PCTP: variants seen among roughly 807,000 people sequenced by gnomAD.
PCTP encodes phosphatidylcholine transfer protein, also known as START domain-containing protein 2.
A neutral mutation model predicts 31.0 loss-of-function variants in PCTP; 27 were observed. The ratio of observed to expected loss-of-function variants is 0.87; its 90% confidence interval spans 0.64 to 1.20. PCTP has a LOEUF of 1.20. Among genes scored for constraint, PCTP ranks in the 50% most tolerant of loss-of-function variants. The pLI is 0.00. For synonymous variants in PCTP, 108 were observed against 101.2 expected, an observed-to-expected ratio of 1.07 and a Z score of -0.40; for missense variants, 287 against 268.2, an observed-to-expected ratio of 1.07 and a Z score of -0.49.
intron 2 of PCTP, 145 bp from the exon 3 acceptor site, chr17:55,770,961 G>A: frequency 3.2e-6 from 2 of 627,824 alleles, no homozygotes; most frequent in Non-Finnish European, 2.9e-6. Flanking sequence ...TTGAACTCCT[G>A]GACTTGAGCA....
chr17:55,798,439 A>G (rs1033212984), intron 3 of PCTP, among the ~76,000 whole-genome samples: 3 of 151,952 alleles, frequency 2.0e-5, no homozygotes, highest in African/African-American at 7.2e-5. Context: ...TAAATTCATC[A>G]CAGTAATTAC....
downstream of PCTP, among the ~76,000 whole-genome samples, chr17:55,843,504 G>A (rs1311734624): frequency 2.0e-5 from 3 of 152,106 alleles, no homozygotes; most frequent in African/African-American, 2.4e-5. Flanking sequence ...TGTTTCATGC[G>A]GCAGTGTCTT....
At chr17:55,820,195 G>A (rs560000477) in intron 3 of PCTP, among the ~76,000 whole-genome samples, 2 of 152,260 alleles carry the variant, frequency 1.3e-5, no homozygotes, top group South Asian at 4.1e-4. Flanking sequence ...AATAACTTTT[G>A]TGCTTCAAAA....
intron 3 of PCTP, among the ~76,000 whole-genome samples, chr17:55,818,869 G>A (rs1913015707): frequency 6.6e-6 from 1 of 151,884 alleles, no homozygotes; most frequent in African/African-American, 2.4e-5. Context: ...GAACAGCAAG[G>A]GCACGGTCAG....
chr17:55,803,275 C>T (rs968497075), intron 3 of PCTP, among the ~76,000 whole-genome samples: 1 of 152,110 alleles, frequency 6.6e-6, no homozygotes, highest in African/African-American at 2.4e-5. Context: ...GTGAAAATGG[C>T]CATACTGCCC....
At chr17:55,805,051 G>T (rs1400087067) in intron 3 of PCTP, among the ~76,000 whole-genome samples, 2 of 152,108 alleles carry the variant, frequency 1.3e-5, no homozygotes, top group East Asian at 1.9e-4. Flanking sequence ...AGCAAAAATT[G>T]ATAGAATCAG....
chr17:55,785,416 C>T (rs1911711653), intron 2 of PCTP, among the ~76,000 whole-genome samples: 1 of 152,220 alleles, frequency 6.6e-6, no homozygotes, highest in African/African-American at 2.4e-5. Flanking sequence ...GATTGCTGCC[C>T]TGTGAGACAG....
At chr17:55,848,474 A>G in the PCTP span, among the ~76,000 whole-genome samples, 1 of 152,198 alleles carries the variant, frequency 6.6e-6, no homozygotes, top group Non-Finnish European at 1.5e-5. Context: ...AACCTGTGGA[A>G]CTAATGGCAA....
At chr17:55,843,621 A>G (rs1906055691), downstream of PCTP, among the ~76,000 whole-genome samples, 1 of 152,136 alleles carries the variant, frequency 6.6e-6, no homozygotes, top group Non-Finnish European at 1.5e-5. Flanking sequence ...TCTCAGTCAG[A>G]CTGAATAGGG....
chr17:55,835,944 A>C (rs1905763366), intron 5 of PCTP, among the ~76,000 whole-genome samples: 1 of 152,222 alleles, frequency 6.6e-6, no homozygotes, highest in Non-Finnish European at 1.5e-5. Context: ...AGTCAGCTAA[A>C]TCTGAATCAA....
At chr17:55,848,089 A>C in the PCTP span, among the ~76,000 whole-genome samples, 2,391 of 151,948 alleles carry the variant, frequency 0.016, 19 homozygotes, top group Non-Finnish European at 0.021. Flanking sequence ...CACCCGGCTA[A>C]TTTTTGCATT....
intron 5 of PCTP, among the ~76,000 whole-genome samples, chr17:55,836,622 G>T (rs1055783952): frequency 6.6e-6 from 1 of 152,130 alleles, no homozygotes; most frequent in South Asian, 2.1e-4. Context: ...AGTTCTTCCC[G>T]GGCCTAGGGC....
intron 5 of PCTP, among the ~76,000 whole-genome samples, chr17:55,831,856 C>G (rs113949292): frequency 0.013 from 2,007 of 152,164 alleles, 35 homozygotes; most frequent in African/African-American, 0.046. Flanking sequence ...CCAAGGCAGG[C>G]AGATCTCGAG....
intron 1 of PCTP, among the ~76,000 whole-genome samples, chr17:55,764,446 C>G (rs1432770642): frequency 6.6e-6 from 1 of 152,196 alleles, no homozygotes; most frequent in Non-Finnish European, 1.5e-5. Flanking sequence ...CATCTCTCAT[C>G]AGACCCTGAG....
chr17:55,769,946 C>G (rs1910890151), intron 2 of PCTP: 2 of 152,210 alleles, frequency 1.3e-5, no homozygotes, highest in African/African-American at 4.8e-5. Flanking sequence ...TAAGGACTCT[C>G]ATCAGCCTCC....
At chr17:55,806,968 C>T (rs1204828888) in intron 3 of PCTP, among the ~76,000 whole-genome samples, 1 of 152,138 alleles carries the variant, frequency 6.6e-6, no homozygotes, top group Non-Finnish European at 1.5e-5. Flanking sequence ...ATGACTCAGA[C>T]TGCATTTGAT....
Position 55,751,167 on chromosome 17 carries a change from C to T in PCTP, c.64C>T (p.Gln22Ter). The change falls in exon 1 of 6, where the codon CAG becomes TAG. Residue 22 changes from glutamine (Q) to a stop codon, truncating the protein, a stop_gained. Transcript: ENST00000268896. LOFTEE classifies it high-confidence loss of function. The stretch of plus-strand genomic sequence containing the variant: ...CTGGGAGGCCTGCGCCGAGCTCCAG[C>T]AGCCCGCTCTGGCCGGGGCCGACTG... ...QFWEACAELQQPALAGADWQL... is the reference protein window; with the variant it reads ...QFWEACAELQ 5 of 1,548,494 alleles carry T rather than the reference C, an allele frequency of 3.2e-6. No homozygotes were observed. Among genetic ancestry groups the T allele is most frequent in the Non-Finnish European group, 4.4e-6 (5 of 1,146,146 alleles).
Position 55,773,762 on chromosome 17 carries a change from A to G in PCTP, c.378A>G (p.Glu126=). The change falls in exon 4 of 6, where the codon GAA becomes GAG. Residue 126 remains glutamate, a synonymous_variant. Transcript: ENST00000268896. ...GGCAGCGGCGAGACCTGGACATGGAAGGGAGGAAGATCCATGTGATCCTGG... is the reference window on the plus strand; with the variant it reads ...GGCAGCGGCGAGACCTGGACATGGAGGGGAGGAAGATCCATGTGATCCTGG... ...YLRQRRDLDM[E]GRKIHVILAR... 6.2e-7 allele frequency: 1 copy of G among 1,613,844 alleles called. No individual in the cohort carries two copies. Among genetic ancestry groups the G allele is most frequent in the Non-Finnish European group, 8.5e-7 (1 of 1,179,890 alleles).
At chr17:55,843,220 T>A (rs1440235834), downstream of PCTP, among the ~76,000 whole-genome samples, 1 of 152,178 alleles carries the variant, frequency 6.6e-6, no homozygotes, top group African/African-American at 2.4e-5. Context: ...ATCTTATTTC[T>A]TCTAGTCTTG....
Sources: allele counts gnomAD v4.1 joint callset (sites outside exome capture counted in the v4.1 genomes callset), GRCh38; gene constraint gnomAD v4.1.1; transcripts MANE v1.5; gene names NCBI Gene and HGNC (gene_info 2026-07-23, HGNC 2026-07-21).